DNER: variants seen among roughly 807,000 people sequenced by gnomAD.
DNER encodes delta/notch like EGF repeat containing.
In DNER, 33 loss-of-function variants were observed where a neutral mutation model predicts 78.2. That is an observed-to-expected ratio of 0.42 (90% CI 0.32 to 0.56). DNER has a LOEUF of 0.56. Among genes scored for constraint, DNER ranks in the 20% least tolerant of loss-of-function variants. The pLI is 0.11. For missense variants in DNER, 918 were observed against 975.3 expected, an observed-to-expected ratio of 0.94 and a Z score of 0.78; for synonymous variants, 417 against 384.8, an observed-to-expected ratio of 1.08 and a Z score of -0.98.
intron 3 of DNER, chr2:229,587,067 G>A (rs1052335677): frequency 2.1e-5 from 19 of 913,042 alleles, no homozygotes; most frequent in Non-Finnish European, 2.2e-5. Context: ...AGAATGGCAG[G>A]TTTGTTGAGA....
At chr2:229,665,162 A>G (rs551022496) in intron 1 of DNER, among the ~76,000 whole-genome samples, 3 of 152,350 alleles carry the variant, frequency 2.0e-5, no homozygotes, top group Non-Finnish European at 4.4e-5. Context: ...TTAAAGGCCT[A>G]AGGACACCAA....
At chr2:229,370,569 C>T (rs959589247) in intron 11 of DNER, among the ~76,000 whole-genome samples, 5 of 152,158 alleles carry the variant, frequency 3.3e-5, no homozygotes, top group African/African-American at 4.8e-5. Flanking sequence ...AAATCTGCAG[C>T]CATCTCATTT....
intron 5 of DNER, among the ~76,000 whole-genome samples, chr2:229,519,927 C>G (rs1279276194): frequency 2.0e-5 from 3 of 152,156 alleles, no homozygotes; most frequent in Non-Finnish European, 2.9e-5. Context: ...TAATCTGAGA[C>G]TACTACTGAA....
At position 229,407,245 on chromosome 2, in the gene DNER, T is replaced by G. The variant is rs1391284791; in HGVS notation, c.1710A>C (p.Ala570=). Residue 570 remains alanine (A), a synonymous_variant, in exon 10 of 13, where the codon GCA becomes GCC. Transcript: ENST00000341772. The part of the protein sequence containing the change: ...SDGLNGTCIC[A]PGFTGEECDI... ...GGAATCACTTGCCTGTAAACCCGGG[T>G]GCACAGATGCACGTGCCATTCAGGC... 6.2e-7 allele frequency: 1 copy of G among 1,612,052 alleles called. No individual in the cohort carries two copies. Among genetic ancestry groups the G allele is most frequent in the South Asian group, 1.1e-5 (1 of 91,008 alleles).
intron 7 of DNER, among the ~76,000 whole-genome samples, chr2:229,455,703 C>T (rs1243055361): frequency 6.6e-6 from 1 of 152,064 alleles, no homozygotes; most frequent in Non-Finnish European, 1.5e-5. Flanking sequence ...TCCCTGAGAA[C>T]ATCTCTGTAC....
intron 1 of DNER, among the ~76,000 whole-genome samples, chr2:229,709,453 A>C (rs112734344): frequency 1.3e-5 from 2 of 152,136 alleles, no homozygotes; most frequent in Non-Finnish European, 2.9e-5. Flanking sequence ...CATTTTGTAC[A>C]TACTACAATG....
chr2:229,476,857 T>C (rs1025106157), intron 7 of DNER, among the ~76,000 whole-genome samples: 6 of 123,748 alleles, frequency 4.8e-5, no homozygotes, highest in African/African-American at 1.6e-4. Context: ...AAATCTTAAG[T>C]AAATTGTCAC....
At chr2:229,590,786 G>T (rs995124484) in intron 2 of DNER, among the ~76,000 whole-genome samples, 1 of 152,226 alleles carries the variant, frequency 6.6e-6, no homozygotes, top group Non-Finnish European at 1.5e-5. Context: ...TCTGTGATAT[G>T]ATTTGGATCT....
At chr2:229,477,103 G>T in intron 7 of DNER, 37 bp downstream of exon 7, 1 of 1,543,172 alleles carries the variant, frequency 6.5e-7, no homozygotes, top group South Asian at 1.1e-5. Flanking sequence ...GATTTAAAAT[G>T]AAAAAAGTTC....
intron 10 of DNER, among the ~76,000 whole-genome samples, chr2:229,392,295 A>G (rs2106337884): frequency 6.6e-6 from 1 of 151,428 alleles, no homozygotes. Context: ...AAAAACTATG[A>G]AGACATTGGA....
chr2:229,575,384 A>G (rs899908405), intron 4 of DNER, among the ~76,000 whole-genome samples: 2 of 152,200 alleles, frequency 1.3e-5, no homozygotes, highest in Non-Finnish European at 2.9e-5. Context: ...TTAGTAACTC[A>G]TGACAGTGCC....
At chr2:229,372,402 G>T (rs1035685014) in intron 11 of DNER, among the ~76,000 whole-genome samples, 2 of 152,186 alleles carry the variant, frequency 1.3e-5, no homozygotes. Flanking sequence ...AACCAGGGAC[G>T]GGCAAGAGCA....
At chr2:229,471,732 G>A (rs979427025) in intron 7 of DNER, among the ~76,000 whole-genome samples, 1 of 152,140 alleles carries the variant, frequency 6.6e-6, no homozygotes, top group African/African-American at 2.4e-5. Flanking sequence ...TATTTGCAAA[G>A]CACAGTGCTA....
intron 6 of DNER, among the ~76,000 whole-genome samples, chr2:229,501,048 T>A (rs1695610999): frequency 6.6e-6 from 1 of 152,028 alleles, no homozygotes; most frequent in Non-Finnish European, 1.5e-5. Flanking sequence ...GAAGGAGAAA[T>A]GCTGTGTGAT....
intron 7 of DNER, among the ~76,000 whole-genome samples, chr2:229,469,905 T>C (rs1694888385): frequency 6.6e-6 from 1 of 151,980 alleles, no homozygotes; most frequent in Non-Finnish European, 1.5e-5. Flanking sequence ...GATCGCGCCA[T>C]TGCACTCCAG....
chr2:229,704,174 T>A (rs931085763), intron 1 of DNER, among the ~76,000 whole-genome samples: 2 of 152,192 alleles, frequency 1.3e-5, no homozygotes, highest in African/African-American at 4.8e-5. Context: ...CTTATTAGAA[T>A]AGCTAAAACC....
At chr2:229,611,043 T>G (rs553932309) in intron 1 of DNER, among the ~76,000 whole-genome samples, 129 of 152,350 alleles carry the variant, frequency 8.5e-4, no homozygotes, top group African/African-American at 3.0e-3. Flanking sequence ...AGCTGGGTTT[T>G]TCAGCAATTA....
chr2:229,439,460 C>A (rs1694189869), intron 8 of DNER, among the ~76,000 whole-genome samples: 1 of 152,148 alleles, frequency 6.6e-6, no homozygotes, highest in South Asian at 2.1e-4. Flanking sequence ...AAAAGTAATG[C>A]TGATAGAGGC....
chr2:229,609,015 G>A (rs1245215384), intron 1 of DNER, among the ~76,000 whole-genome samples: 1 of 152,108 alleles, frequency 6.6e-6, no homozygotes, highest in Admixed American at 6.5e-5. Flanking sequence ...TTGAGGTCAG[G>A]AGTTCAAGAC....
Sources: gnomAD v4.1 joint callset for allele counts (sites outside exome capture counted in the v4.1 genomes callset) on GRCh38, gnomAD v4.1.1 for gene constraint, MANE v1.5 for transcripts, NCBI Gene and HGNC (gene_info 2026-07-23, HGNC 2026-07-21) for gene names.